HIPK1: variants seen among roughly 807,000 people sequenced by gnomAD.
The protein encoded by HIPK1 is homeodomain interacting protein kinase 1, also known as homeodomain-interacting protein kinase 1.
A neutral mutation model predicts 117.1 loss-of-function variants in HIPK1; 28 were observed. The observed-to-expected ratio is 0.24, with a 90% CI of 0.18 to 0.33. HIPK1 has a LOEUF of 0.33. Ranked by LOEUF, HIPK1 falls within the 10% of genes least tolerant of loss-of-function variation. HIPK1 has a pLI of 1.00. For synonymous variants in HIPK1, 605 were observed against 562.5 expected, an observed-to-expected ratio of 1.08 and a Z score of -1.07; for missense variants, 1,122 against 1,475.1, an observed-to-expected ratio of 0.76 and a Z score of 3.92.
intron 13 of HIPK1, 30 bp from the exon 14 acceptor site, chr1:113,969,926 T>C: frequency 6.2e-7 from 1 of 1,612,178 alleles, no homozygotes; most frequent in South Asian, 1.1e-5. Context: ...AAAGAACAAT[T>C]CAATTTTCAT....
intron 8 of HIPK1, among the ~76,000 whole-genome samples, chr1:113,961,021 A>T (rs1672071492): frequency 6.6e-6 from 1 of 152,200 alleles, no homozygotes; most frequent in Admixed American, 6.5e-5. Flanking sequence ...AAATCTTTAT[A>T]TCCTCACTTA....
At chr1:113,948,153 T>C (rs769945511) in intron 2 of HIPK1, among the ~76,000 whole-genome samples, 5 of 152,232 alleles carry the variant, frequency 3.3e-5, no homozygotes, top group Non-Finnish European at 7.3e-5. Context: ...GATGCCTTAC[T>C]GTTCAGTAAA....
rs549582515 is a variant in HIPK1, at chr1:113,941,313, T to C, written c.930T>C (p.Gly310=). The change falls in exon 2 of 16, where the codon GGT becomes GGC. Residue 310 remains glycine, a synonymous_variant. Coordinates refer to ENST00000426820, the MANE Select transcript of HIPK1 (RefSeq NM_198268.3). This position sits in a 1 kb window ranked among gnomAD's most constrained non-coding sequence, Gnocchi z 4.9. The part of the protein sequence containing the change: ...ATALMKLKSL[G]LIHADLKPEN... ...CCTTGATGAAGCTCAAGAGTCTTGG[T>C]CTGATCCACGCTGACCTTAAGCCTG... The C allele has an allele frequency of 8.7e-5, 140 of 1,614,238 alleles. No individual in the cohort carries two copies. The South Asian group carries it at 1.5e-3, about 18-fold the overall frequency.
rs148775752 is a variant in HIPK1, at chr1:113,951,117, A to G, written c.1077-1649A>G. ...GTAAGGATTAAGTGACTCAACATTT[A>G]TAAAGAACTTAGAACAGTGCATGGC... On this transcript the variant is annotated intron_variant, in intron 2 of 15. Transcript: ENST00000426820. 95 of 519,248 alleles carry G rather than the reference A, an allele frequency of 1.8e-4. No individual in the cohort carries two copies. The East Asian group carries it at 0.013, about 69-fold the overall frequency. The allele number at this position is 519,248 out of a possible 1,614,324, so 32.2% of individuals were successfully genotyped here.
At position 113,935,978 on chromosome 1, in the gene HIPK1, G is replaced by A. The variant is rs577054762; in HGVS notation, c.-2-4404G>A. 8.2e-4 allele frequency among the ~76,000 whole-genome samples: 125 copies of A among 152,306 alleles called. 2 individuals are homozygous for A. Among genetic ancestry groups the A allele is most frequent in the African/African-American group, 2.9e-3 (121 of 41,562 alleles). ...AAGCTCTCCACCTAGGAAGAGAATT[G>A]CCTCCCCACTTGCAAAGGCAAGTTT... is the stretch of plus-strand genomic sequence containing the variant. On this transcript the variant is annotated intron_variant, in intron 1 of 15. Transcript: ENST00000426820.
At position 113,940,413 on chromosome 1, in the gene HIPK1, C is replaced by T. The variant is rs1375299120; in HGVS notation, c.30C>T (p.Pro10=). Reference sequence around the variant, plus strand: ...CATCACAGCTGCAAGTGTTTTCGCCCCCATCAGTGTCGTCGAGTGCCTTCT... The same window carrying T: ...CATCACAGCTGCAAGTGTTTTCGCCTCCATCAGTGTCGTCGAGTGCCTTCT... MASQLQVFS[P]PSVSSSAFCS... The change falls in exon 2 of 16, where the codon CCC becomes CCT. Residue 10 remains proline (P), a synonymous_variant. Transcript: ENST00000426820. The T allele has an allele frequency of 2.5e-6, 4 of 1,609,832 alleles. No homozygotes were observed. Among genetic ancestry groups the T allele is most frequent in the African/African-American group, 1.3e-5 (1 of 74,728 alleles).
intron 11 of HIPK1, among the ~76,000 whole-genome samples, chr1:113,967,529 G>A (rs1471224699): frequency 6.6e-6 from 1 of 152,058 alleles, no homozygotes; most frequent in Non-Finnish European, 1.5e-5. Flanking sequence ...GTCATCTTTT[G>A]GAAAATGTCT....
rs1669685010 is a variant in HIPK1, at chr1:113,929,502, A to G, written c.-33A>G. The G allele has an allele frequency of 1.5e-5, 19 of 1,289,150 alleles. No homozygotes were observed. Among genetic ancestry groups the G allele is most frequent in the Non-Finnish European group, 1.9e-5 (19 of 988,812 alleles). 79.9% of individuals were successfully genotyped at this position (1,289,150 alleles called of 1,614,324 possible). On this transcript the variant is annotated 5_prime_UTR_variant, in exon 1 of 16. An upstream open reading frame in the 5' UTR loses its in-frame stop. Transcript: ENST00000426820. ...GCAATCAGTACTATGCGATCGTCCT[A>G]GAGAGTCCATTCAGCTGCACTTCCG...
At chr1:113,965,390 C>G (rs1265922865) in intron 10 of HIPK1, among the ~76,000 whole-genome samples, 1 of 151,952 alleles carries the variant, frequency 6.6e-6, no homozygotes, top group South Asian at 2.1e-4. Flanking sequence ...AACTAGAAAT[C>G]ATGTATTTTC....
At chr1:113,931,508 T>C (rs1669896782) in intron 1 of HIPK1, among the ~76,000 whole-genome samples, 1 of 152,202 alleles carries the variant, frequency 6.6e-6, no homozygotes, top group African/African-American at 2.4e-5. Flanking sequence ...CTGGCTCTGG[T>C]TGGCAAGTAG....
Position 113,955,568 on chromosome 1 carries a change from T to C in HIPK1, c.1326T>C (p.Pro442=), listed in dbSNP as rs1671663444. The change falls in exon 5 of 16, where the codon CCT becomes CCC. Residue 442 remains proline (P), a synonymous_variant. Transcript: ENST00000426820. ...GGAAAATCTTTATTTTATAGACACC[T>C]GAAGAACATGAACTGGAGACTGGAA... The part of the protein sequence containing the change: ...LGYPLWRLKT[P]EEHELETGIK... 2 of 1,564,420 alleles carry C rather than the reference T, an allele frequency of 1.3e-6. No homozygotes were observed. The highest frequency in any genetic ancestry group is 1.8e-6 in the Non-Finnish European group (2 of 1,138,074).
At chr1:113,943,132 G>A (rs1670759733) in intron 2 of HIPK1, among the ~76,000 whole-genome samples, 1 of 152,104 alleles carries the variant, frequency 6.6e-6, no homozygotes, top group African/African-American at 2.4e-5. Flanking sequence ...TTAACCATTT[G>A]GTACCACTCA....
intron 3 of HIPK1, among the ~76,000 whole-genome samples, chr1:113,954,115 C>G (rs183956078): frequency 1.3e-5 from 2 of 152,236 alleles, no homozygotes; most frequent in Admixed American, 1.3e-4. Flanking sequence ...TGCATGCCAC[C>G]TTGCCTAGCT....
chr1:113,930,265 T>C (rs546123229), intron 1 of HIPK1, among the ~76,000 whole-genome samples: 1 of 152,364 alleles, frequency 6.6e-6, no homozygotes, highest in South Asian at 2.1e-4. Context: ...GCCGGTTTTT[T>C]CCCCGGCTGT....
intron 1 of HIPK1, among the ~76,000 whole-genome samples, chr1:113,938,508 T>G (rs1422956652): frequency 2.6e-5 from 4 of 152,124 alleles, no homozygotes; most frequent in African/African-American, 9.7e-5. Context: ...TTGCATTGTT[T>G]AAAAGCAAAG....
chr1:113,929,731 G>GCGGC, intron 1 of HIPK1, 199 bp downstream of exon 1: 2 of 867,650 alleles, frequency 2.3e-6, no homozygotes, highest in Non-Finnish European at 2.9e-6. Context: ...GGCGGCGGCG[G>GCGGC]GAAGGGGCTG....
Position 113,976,304 on chromosome 1 carries a change from G to A in HIPK1, c.*2792G>A, listed in dbSNP as rs1673132430. On this transcript the variant is annotated 3_prime_UTR_variant, in exon 16 of 16. Coordinates refer to ENST00000426820, the MANE Select transcript of HIPK1 (RefSeq NM_198268.3). ...TGTCATACAGTTTTCTGGTCAACAT[G>A]TGTGATCTTTGTGTCTCCTTTTTGC... 6.6e-6 allele frequency: 1 copy of A among 152,364 alleles called. No homozygotes were observed. Among genetic ancestry groups the A allele is most frequent in the African/African-American group, 2.4e-5 (1 of 41,454 alleles). 9.4% of individuals were successfully genotyped at this position (152,364 alleles called of 1,614,324 possible).
Position 113,967,901 on chromosome 1 carries a change from T to C in HIPK1, c.2517T>C (p.Ser839=), listed in dbSNP as rs1672558816. 6.2e-7 allele frequency: 1 copy of C among 1,609,858 alleles called. No individual in the cohort carries two copies. Residue 839 remains serine, a synonymous_variant, in exon 12 of 16, where the codon AGT becomes AGC. Transcript: ENST00000426820. ...VAHVVRQQQS[S]SLPSKKNKQS... ...ATGTTGTCAGACAACAACAATCCAG[T>C]TCCCTCCCTTCGAAGAAGAATAAGC...
Position 113,929,483 on chromosome 1 carries a change from A to T in HIPK1, c.-52A>T, listed in dbSNP as rs1470706090. ...AGGCCCACCGACTCCTACTGCAATC[A>T]GTACTATGCGATCGTCCTAGAGAGT... On this transcript the variant is annotated 5_prime_UTR_variant, in exon 1 of 16. Coordinates refer to ENST00000426820, the MANE Select transcript of HIPK1 (RefSeq NM_198268.3). 5 of 1,289,390 alleles carry T rather than the reference A, an allele frequency of 3.9e-6. No individual in the cohort carries two copies. Among genetic ancestry groups the T allele is most frequent in the East Asian group, 5.5e-5 (1 of 18,070 alleles). The allele number at this position is 1,289,390 out of a possible 1,614,324, so 79.9% of individuals were successfully genotyped here.
Sources: allele counts gnomAD v4.1 joint callset (sites outside exome capture counted in the v4.1 genomes callset), GRCh38; gene constraint gnomAD v4.1.1; non-coding constraint Gnocchi (gnomAD v3.1); transcripts MANE v1.5; gene names NCBI Gene and HGNC (gene_info 2026-07-23, HGNC 2026-07-21).